WDR47: variants seen among roughly 807,000 people sequenced by gnomAD.
WDR47 encodes WD repeat domain 47.
WDR47 carries 32 observed loss-of-function variants against 97.2 expected under a neutral mutation model. The observed-to-expected ratio is 0.33, with a 90% CI of 0.25 to 0.44. WDR47 has a LOEUF of 0.44. WDR47 is among the 20% of genes least tolerant of loss of function. WDR47 has a pLI of 1.00. For missense variants in WDR47, 782 were observed against 1,102.3 expected (o/e 0.71, Z 4.11); for synonymous variants, 375 against 373.5 (o/e 1.00, Z -0.05).
chr1:108,993,814 A>G (rs1246253073), intron 8 of WDR47, among the ~76,000 whole-genome samples: 2 of 152,224 alleles, frequency 1.3e-5, no homozygotes, highest in South Asian at 4.1e-4. Context: ...CAGATAGTTT[A>G]GTGATAAATA....
chr1:108,973,701 G>A (rs949708234), intron 14 of WDR47, among the ~76,000 whole-genome samples: 2 of 152,078 alleles, frequency 1.3e-5, no homozygotes, highest in African/African-American at 4.8e-5. Flanking sequence ...GGGCAACATG[G>A]CAAGATCCCA....
At chr1:108,994,463 G>T (rs1004110767) in intron 8 of WDR47, among the ~76,000 whole-genome samples, 1 of 152,080 alleles carries the variant, frequency 6.6e-6, no homozygotes, top group African/African-American at 2.4e-5. Flanking sequence ...ATAGCAAAAG[G>T]CTGGGTGTGG....
chr1:109,016,732 G>A (rs113434407), intron 3 of WDR47, among the ~76,000 whole-genome samples: 35 of 152,002 alleles, frequency 2.3e-4, no homozygotes, highest in Middle Eastern at 3.4e-3. Flanking sequence ...AGAATTCAGA[G>A]CCTCAAGAGT....
At chr1:108,987,997 A>G (rs1283369508) in intron 9 of WDR47, among the ~76,000 whole-genome samples, 1 of 151,756 alleles carries the variant, frequency 6.6e-6, no homozygotes, top group Non-Finnish European at 1.5e-5. Flanking sequence ...GCACTTTGTG[A>G]GTCCGAGTTG....
intron 5 of WDR47, among the ~76,000 whole-genome samples, chr1:109,006,058 T>C (rs1242312124): frequency 1.3e-5 from 2 of 152,030 alleles, no homozygotes; most frequent in Admixed American, 6.6e-5. Flanking sequence ...ATTTCCTCCA[T>C]ATGTTTCTAT....
intron 13 of WDR47, among the ~76,000 whole-genome samples, chr1:108,979,164 C>G (rs1230138006): frequency 6.6e-6 from 1 of 151,920 alleles, no homozygotes; most frequent in Non-Finnish European, 1.5e-5. Context: ...GAAAAGTGGC[C>G]TGAAAATAAT....
chr1:109,011,064 C>A lies in WDR47; in HGVS notation c.982G>T (p.Asp328Tyr). ...DGLTCGLTSH[D>Y]KRISDLGNKT... The stretch of plus-strand genomic sequence containing the variant: ...TTTCCAAGGTCTGAAATTCTCTTAT[C>A]ATGACTGGTTAGTCCACAGGTGAGG... Residue 328 changes from aspartate (D) to tyrosine (Y), a missense_variant, in exon 5 of 15, where the codon GAT becomes TAT. Transcript: ENST00000369962. 6.2e-7 allele frequency: 1 copy of A among 1,614,056 alleles called. No homozygotes were observed. The highest frequency in any genetic ancestry group is 8.5e-7 in the Non-Finnish European group (1 of 1,180,018).
At chr1:109,028,361 G>GTTT (rs1414813690) in intron 1 of WDR47, among the ~76,000 whole-genome samples, 5 of 27,612 alleles carry the variant, frequency 1.8e-4, no homozygotes, top group Non-Finnish European at 2.9e-4. Context: ...ATTTTTGTTG[G>GTTT]GTTTTTTTTT....
intron 13 of WDR47, among the ~76,000 whole-genome samples, chr1:108,980,941 C>T (rs1658290154): frequency 6.6e-6 from 1 of 151,874 alleles, no homozygotes; most frequent in Admixed American, 6.6e-5. Flanking sequence ...TCCTGGCCAA[C>T]ATGGTGAAAC....
intron 14 of WDR47, among the ~76,000 whole-genome samples, chr1:108,972,442 CAG>C (rs756545520): frequency 6.6e-6 from 1 of 152,056 alleles, no homozygotes; most frequent in South Asian, 2.1e-4. Context: ...CTATCCCTTC[CAG>C]TTAAAATCTT....
chr1:108,995,718 G>C lies in WDR47; in HGVS notation c.1553C>G (p.Thr518Ser). 1 of 1,614,124 alleles carries C rather than the reference G, an allele frequency of 6.2e-7. No homozygotes were observed. Among genetic ancestry groups the C allele is most frequent in the South Asian group, 1.1e-5 (1 of 91,082 alleles). ...GTCTTGGGGTGGTGTAGTAAAACTAGTCACAGAAGAACCATTAGATCCATT... is the reference window on the plus strand; with the variant it reads ...GTCTTGGGGTGGTGTAGTAAAACTACTCACAGAAGAACCATTAGATCCATT... ...KGNGSNGSSVTSFTTPPQDSS... is the reference protein window; with the variant it reads ...KGNGSNGSSVSSFTTPPQDSS... The change falls in exon 8 of 15, where the codon ACT becomes AGT. Residue 518 changes from threonine (T) to serine (S), a missense_variant. Transcript: ENST00000369962.
chr1:109,033,491 A>G (rs1195853441), intron 1 of WDR47, among the ~76,000 whole-genome samples: 2 of 152,238 alleles, frequency 1.3e-5, no homozygotes, highest in African/African-American at 4.8e-5. Context: ...CAAGGTACCA[A>G]CATGCTCACT....
At chr1:109,003,705 AT>A (rs1660377240) in intron 6 of WDR47, among the ~76,000 whole-genome samples, 1 of 152,090 alleles carries the variant, frequency 6.6e-6, no homozygotes, top group African/African-American at 2.4e-5. Context: ...GGGTTTCACC[AT>A]GTTGCCTAGG....
rs375677772 is a variant in WDR47 at position 108,971,379 on chromosome 1, G to A, written c.*51C>T. ...TCAGATTTGTAATTTTCACAACTCA[G>A]TAGTCTTAAGTCTCTGTGCTTTTGC... is the stretch of plus-strand genomic sequence containing the variant. On this transcript the variant is annotated 3_prime_UTR_variant, in exon 15 of 15. Transcript: ENST00000369962. The A allele has an allele frequency of 1.9e-6, 3 of 1,606,362 alleles. No homozygotes were observed. Among genetic ancestry groups the A allele is most frequent in the Non-Finnish European group, 2.6e-6 (3 of 1,175,218 alleles).
At chr1:108,991,082 A>G (rs1659310871) in intron 9 of WDR47, among the ~76,000 whole-genome samples, 172 bp downstream of exon 9, 1 of 151,260 alleles carries the variant, frequency 6.6e-6, no homozygotes, top group Non-Finnish European at 1.5e-5. Context: ...GTGCGATTCT[A>G]GTACTCTACA....
chr1:109,040,012 G>T (rs946763856), intron 1 of WDR47, among the ~76,000 whole-genome samples: 1 of 135,786 alleles, frequency 7.4e-6, no homozygotes, highest in Non-Finnish European at 1.5e-5. Context: ...CTCCAGCCTG[G>T]ATGACAGAGT....
At chr1:108,987,016 C>A in intron 9 of WDR47, 1 of 208,250 alleles carries the variant, frequency 4.8e-6, no homozygotes, top group South Asian at 1.0e-4. Flanking sequence ...CTACAGCTAC[C>A]ACAAATGCAG....
intron 9 of WDR47, among the ~76,000 whole-genome samples, chr1:108,990,992 T>C (rs141135305): frequency 6.7e-6 from 1 of 149,752 alleles, no homozygotes; most frequent in Admixed American, 6.7e-5. Flanking sequence ...GTTTGTGGGG[T>C]TTTTTTTTGT....
At position 109,011,115 on chromosome 1, in the gene WDR47, G is replaced by C. The variant is rs1202831744; in HGVS notation, c.931C>G (p.Arg311Gly). Residue 311 changes from arginine to glycine, a missense_variant, in exon 5 of 15, where the codon CGC (arginine) becomes GGC (glycine). By Grantham distance (125) the Arg-to-Gly change is moderately radical (BLOSUM62 -2). Transcript: ENST00000369962. ...CCATCTAAAGCAGGATTCAGAGAGC[G>C]GGTCATATAGGCATCAGCTGATTGA... ...RPQSADAYMT[R>G]SLNPALDGLT... is the part of the protein sequence containing the mutation. 1 of 1,613,948 alleles carries C rather than the reference G, an allele frequency of 6.2e-7. No individual in the cohort carries two copies. Among genetic ancestry groups the C allele is most frequent in the South Asian group, 1.1e-5 (1 of 91,078 alleles).
Sources: allele counts gnomAD v4.1 joint callset (sites outside exome capture counted in the v4.1 genomes callset), GRCh38; gene constraint gnomAD v4.1.1; transcripts MANE v1.5; gene names NCBI Gene and HGNC (gene_info 2026-07-23, HGNC 2026-07-21).